The following XIRP2 variants were observed in gnomAD, a reference collection of about 807,000 sequenced individuals.
XIRP2 encodes the protein xin actin-binding repeat-containing protein 2.
XIRP2 carries 236 observed loss-of-function variants against 277.0 expected under a neutral mutation model. The ratio of observed to expected loss-of-function variants is 0.85; its 90% CI spans 0.77 to 0.95. The LOEUF (loss-of-function observed/expected upper bound fraction) is 0.95, where lower values mean the gene tolerates loss of function less well. Ranked by LOEUF, XIRP2 falls within the 40% of genes least tolerant of loss-of-function variation. The pLI, the probability that XIRP2 is intolerant of heterozygous loss-of-function variation, is 0.00. For synonymous variants in XIRP2, 1,490 were observed against 1,416.5 expected, an observed-to-expected ratio of 1.05 and a Z score of -1.17; for missense variants, 4,640 against 4,157.5, an observed-to-expected ratio of 1.12 and a Z score of -3.19.
Position 167,247,381 on chromosome 2 carries a change from C to T in XIRP2, c.5989C>T (p.Leu1997Phe). The part of the protein sequence containing the change: ...AAKWQGGADT[L>F]SQTMGKSCHG... ...CAAGTGGCAAGGGGGAGCAGATACT[C>T]TCAGTCAAACTATGGGGAAATCTTG... is the stretch of plus-strand genomic sequence containing the variant. The change falls in exon 9 of 11, where the codon CTC becomes TTC. Residue 1997 changes from leucine to phenylalanine, a missense_variant. Transcript: ENST00000409195. 3.1e-6 allele frequency: 5 copies of T among 1,613,740 alleles called. No individual in the cohort carries two copies. Among genetic ancestry groups the T allele is most frequent in the Non-Finnish European group, 4.2e-6 (5 of 1,179,798 alleles).
chr2:167,023,829 A>G (rs1401798256), intron 2 of XIRP2, among the ~76,000 whole-genome samples: 2 of 152,112 alleles, frequency 1.3e-5, no homozygotes, highest in East Asian at 3.9e-4. Context: ...CTGTTTTGGT[A>G]CCAGTACCAT....
At chr2:167,108,211 G>A (rs568654034) in intron 2 of XIRP2, among the ~76,000 whole-genome samples, 3 of 151,652 alleles carry the variant, frequency 2.0e-5, no homozygotes, top group East Asian at 1.9e-4. Context: ...TTTCATTCCC[G>A]TTCTTAGTAA....
intron 1 of XIRP2, among the ~76,000 whole-genome samples, chr2:166,894,386 A>G (rs1684186647): frequency 6.6e-6 from 1 of 152,112 alleles, no homozygotes; most frequent in Non-Finnish European, 1.5e-5. Flanking sequence ...TGTCAGCTCC[A>G]TGTATTTACT....
At chr2:167,195,110 T>C (rs549428631) in intron 3 of XIRP2, among the ~76,000 whole-genome samples, 2 of 152,300 alleles carry the variant, frequency 1.3e-5, no homozygotes, top group African/African-American at 4.8e-5. Context: ...AACACCCTTA[T>C]CTTTCACAGA....
At chr2:166,907,690 T>A (rs1684562749) in intron 2 of XIRP2, among the ~76,000 whole-genome samples, 1 of 151,908 alleles carries the variant, frequency 6.6e-6, no homozygotes. Flanking sequence ...TGTATACATG[T>A]GCCGTGTTGG....
At chr2:166,994,910 G>A (rs1007238201) in intron 2 of XIRP2, among the ~76,000 whole-genome samples, 2 of 151,220 alleles carry the variant, frequency 1.3e-5, no homozygotes, top group African/African-American at 4.9e-5. Context: ...AGAAAAATGT[G>A]GGCTTTGACT....
At chr2:167,175,191 T>C (rs61661888) in intron 3 of XIRP2, among the ~76,000 whole-genome samples, 26,267 of 152,008 alleles carry the variant, frequency 0.17, 3,337 homozygotes, top group African/African-American at 0.36. Flanking sequence ...TGCTAAATTC[T>C]CCCACTATTA....
intron 2 of XIRP2, among the ~76,000 whole-genome samples, chr2:167,055,254 G>A (rs1689012545): frequency 6.6e-6 from 1 of 152,124 alleles, no homozygotes. Context: ...TGAGAACTGA[G>A]GGGAAAAAAG....
chr2:166,910,318 A>G lies in XIRP2; in HGVS notation c.408+6428A>G, dbSNP rs1055372315. ...AGTTATTAGTCTATTCAGGGATTCA[A>G]CTTCTTCCTGGTTTAGTCTTGGGAG... On this transcript the variant is annotated intron_variant, in intron 2 of 10. Transcript: ENST00000409195. Among the ~76,000 whole-genome samples, 8 of 152,096 alleles carry G rather than the reference A, an allele frequency of 5.3e-5. No homozygotes were observed. In the East Asian group the frequency reaches 7.7e-4, roughly 15 times the overall value.
At chr2:167,128,406 G>A (rs1396409045) in intron 2 of XIRP2, among the ~76,000 whole-genome samples, 1 of 152,092 alleles carries the variant, frequency 6.6e-6, no homozygotes, top group Admixed American at 6.6e-5. Flanking sequence ...CATATTCACA[G>A]GTTCCGTATC....
At chr2:167,194,868 T>C (rs2105370434) in intron 3 of XIRP2, among the ~76,000 whole-genome samples, 1 of 152,308 alleles carries the variant, frequency 6.6e-6, no homozygotes, top group Non-Finnish European at 1.5e-5. Flanking sequence ...CATCAGTCCC[T>C]GGCACATAGT....
At chr2:167,138,069 A>G (rs1206012749) in intron 3 of XIRP2, among the ~76,000 whole-genome samples, 1 of 152,216 alleles carries the variant, frequency 6.6e-6, no homozygotes, top group Non-Finnish European at 1.5e-5. Flanking sequence ...CCAAAAAGAT[A>G]AACACATGTT....
intron 2 of XIRP2, among the ~76,000 whole-genome samples, chr2:167,040,372 C>T (rs1688630112): frequency 6.6e-6 from 1 of 152,032 alleles, no homozygotes. Flanking sequence ...TTGCTGAGCA[C>T]AAGGACTCAT....
intron 5 of XIRP2, among the ~76,000 whole-genome samples, chr2:167,230,977 C>T (rs1032229302): frequency 1.2e-4 from 18 of 152,214 alleles, no homozygotes; most frequent in African/African-American, 4.3e-4. Flanking sequence ...TTACAACCAA[C>T]TCCCCTAGTT....
chr2:167,216,980 G>T (rs1694265847), intron 4 of XIRP2, among the ~76,000 whole-genome samples: 3 of 142,352 alleles, frequency 2.1e-5, no homozygotes, highest in South Asian at 4.5e-4. Context: ...CATGTCCTTT[G>T]TAGGGACATG....
intron 2 of XIRP2, among the ~76,000 whole-genome samples, chr2:166,948,960 T>C (rs750668982): frequency 1.3e-5 from 2 of 152,064 alleles, no homozygotes; most frequent in Non-Finnish European, 2.9e-5. Flanking sequence ...TTGAAATTAT[T>C]TTTCCTACCA....
chr2:167,020,412 C>G (rs1687948739), intron 2 of XIRP2, among the ~76,000 whole-genome samples: 1 of 151,932 alleles, frequency 6.6e-6, no homozygotes. Flanking sequence ...TCAACAAACA[C>G]CACAGATCAT....
At chr2:167,197,882 A>G (rs1245641636) in intron 3 of XIRP2, among the ~76,000 whole-genome samples, 1 of 152,128 alleles carries the variant, frequency 6.6e-6, no homozygotes, top group Admixed American at 6.6e-5. Context: ...TAAATTCATC[A>G]CTGATGTATC....
intron 2 of XIRP2, among the ~76,000 whole-genome samples, chr2:167,094,725 T>C (rs552218986): frequency 6.6e-6 from 1 of 152,334 alleles, no homozygotes; most frequent in East Asian, 1.9e-4. Flanking sequence ...TGTGGCCTTG[T>C]AGTATAGTTT....
Sources: gnomAD v4.1 joint callset for allele counts (sites outside exome capture counted in the v4.1 genomes callset) on GRCh38, gnomAD v4.1.1 for gene constraint, MANE v1.5 for transcripts, NCBI Gene and HGNC (gene_info 2026-07-23, HGNC 2026-07-21) for gene names.